ROBO2: variants seen among roughly 807,000 people sequenced by gnomAD.
The protein encoded by ROBO2 is roundabout homolog 2.
Under a neutral mutation model 160.8 loss-of-function variants are expected in ROBO2, and 53 were observed. The observed-to-expected ratio is 0.33, with a 90% confidence interval of 0.26 to 0.41. The LOEUF is 0.41. Ranked by LOEUF, ROBO2 falls within the 10% of genes least tolerant of loss-of-function variation. The pLI, the probability that ROBO2 is intolerant of heterozygous loss-of-function variation, is 1.00. For missense variants in ROBO2, 1,577 were observed against 1,722.4 expected, an observed-to-expected ratio of 0.92 and a Z score of 1.49; for synonymous variants, 664 against 611.7, an observed-to-expected ratio of 1.09 and a Z score of -1.26.
intron 6 of ROBO2, among the ~76,000 whole-genome samples, chr3:77,524,731 C>T (rs896412599): frequency 1.3e-5 from 2 of 151,032 alleles, no homozygotes; most frequent in Non-Finnish European, 3.0e-5. Context: ...GCTCCTCATG[C>T]GGGGATGTTT....
At chr3:76,269,798 A>C (rs938656913) in intron 2 of ROBO2, among the ~76,000 whole-genome samples, 1 of 152,048 alleles carries the variant, frequency 6.6e-6, no homozygotes, top group Non-Finnish European at 1.5e-5. Context: ...AAAATATAAA[A>C]ATCAATACTT....
chr3:76,756,447 A>AT (rs2060974610), intron 2 of ROBO2, among the ~76,000 whole-genome samples: 2 of 151,870 alleles, frequency 1.3e-5, no homozygotes, highest in African/African-American at 2.4e-5. Context: ...TTGCAGTGAG[A>AT]TTAGCATGGA....
chr3:77,354,240 C>T (rs886545721), intron 2 of ROBO2, among the ~76,000 whole-genome samples: 2 of 152,158 alleles, frequency 1.3e-5, no homozygotes, highest in Non-Finnish European at 2.9e-5. Flanking sequence ...CTGACAATTA[C>T]AATTTTTTTT....
chr3:77,430,328 GTTGTTGA>G (rs1581878347), intron 2 of ROBO2, among the ~76,000 whole-genome samples: 1 of 152,092 alleles, frequency 6.6e-6, no homozygotes, highest in Non-Finnish European at 1.5e-5. Context: ...TTGAAGTTTT[GTTGTTGA>G]TATGGCTTTT....
intron 2 of ROBO2, among the ~76,000 whole-genome samples, chr3:77,450,974 T>C (rs2081058425): frequency 6.6e-6 from 1 of 152,084 alleles, no homozygotes; most frequent in African/African-American, 2.4e-5. Flanking sequence ...AAAAGCATGT[T>C]CCAAACACCC....
Position 77,493,125 on chromosome 3 carries a change from C to T in ROBO2, c.668-119C>T, listed in dbSNP as rs2086340516. 12 of 962,870 alleles carry T rather than the reference C, an allele frequency of 1.2e-5. No individual in the cohort carries two copies. The Admixed American group carries it at 1.3e-4, about 10-fold the overall frequency. 59.6% of individuals were successfully genotyped at this position (962,870 alleles called of 1,614,324 possible). A position where few individuals can be genotyped will look rare whatever the true frequency, so the allele number is the denominator to read the frequency against. ...GCCTTATTAAAACACAGCTGAGGTA[C>T]AGAGTTAGGTACCTGTGTACCAAAA... On this transcript the variant is annotated intron_variant, in intron 4 of 25. Transcript: ENST00000461745.
rs150775027 is a variant in ROBO2, at chr3:76,782,168, G to A, written c.110-315846G>A. Reference sequence around the variant, plus strand: ...CCCATTGGTTGTTCAGAAGTATATTGCTTAATTTTCACATATTTGTGAATT... The same window carrying A: ...CCCATTGGTTGTTCAGAAGTATATTACTTAATTTTCACATATTTGTGAATT... On this transcript the variant is annotated intron_variant, in intron 2 of 26. Coordinates refer to the ROBO2 transcript ENST00000487694. Among the ~76,000 whole-genome samples the A allele has an allele frequency of 2.3e-3, 345 of 150,744 alleles. 2 individuals carry two copies. Among genetic ancestry groups the A allele is most frequent in the Middle Eastern group, 6.8e-3 (2 of 294 alleles).
At chr3:76,227,066 A>T (rs920191871) in intron 2 of ROBO2, among the ~76,000 whole-genome samples, 2 of 152,164 alleles carry the variant, frequency 1.3e-5, no homozygotes, top group Admixed American at 1.3e-4. Context: ...TTAGTGTCCA[A>T]CAATTTTGCC....
At chr3:77,432,644 T>C (rs1329201648) in intron 2 of ROBO2, among the ~76,000 whole-genome samples, 1 of 152,176 alleles carries the variant, frequency 6.6e-6, no homozygotes, top group African/African-American at 2.4e-5. Context: ...ATGACAAGAC[T>C]GAGTAGTTGC....
At position 77,508,799 on chromosome 3, in the gene ROBO2, A is replaced by G; in HGVS notation, c.807-13976A>G. On this transcript the variant is annotated intron_variant, in intron 5 of 25. Coordinates refer to ENST00000461745, the Ensembl canonical transcript of ROBO2. ...GCTTTTTAACTTAAACTTAATTTTTATCTTAAAATTTTTTTAAAAAACAAC... is the reference window on the plus strand; with the variant it reads ...GCTTTTTAACTTAAACTTAATTTTTGTCTTAAAATTTTTTTAAAAAACAAC... Among the ~76,000 whole-genome samples the G allele has an allele frequency of 1.3e-5, 2 of 152,082 alleles. 1 individual carries two copies.
chr3:76,236,520 T>C (rs938534417), intron 2 of ROBO2, among the ~76,000 whole-genome samples: 2 of 152,128 alleles, frequency 1.3e-5, no homozygotes, highest in Non-Finnish European at 2.9e-5. Flanking sequence ...GCAAAAGCAA[T>C]TGACAAAGTT....
At chr3:77,165,702 C>T (rs1003631182) in intron 2 of ROBO2, among the ~76,000 whole-genome samples, 1 of 151,782 alleles carries the variant, frequency 6.6e-6, no homozygotes, top group Non-Finnish European at 1.5e-5. Flanking sequence ...CTTAAGTATC[C>T]AGCTTGATGA....
intron 2 of ROBO2, among the ~76,000 whole-genome samples, chr3:75,938,795 C>T (rs1278810733): frequency 6.6e-6 from 1 of 152,104 alleles, no homozygotes; most frequent in Non-Finnish European, 1.5e-5. Flanking sequence ...TACATGTAAG[C>T]AGATAATACA....
At chr3:77,473,440 CTTTTTTT>C (rs71104688) in intron 2 of ROBO2, among the ~76,000 whole-genome samples, 20 of 77,924 alleles carry the variant, frequency 2.6e-4, no homozygotes, top group African/African-American at 7.4e-4. Context: ...ACAAACTGCT[CTTTTTTT>C]TTTTTTTTTT....
intron 2 of ROBO2, among the ~76,000 whole-genome samples, chr3:76,781,459 C>T (rs1005248754): frequency 2.2e-4 from 33 of 150,680 alleles, no homozygotes; most frequent in African/African-American, 6.3e-4. Context: ...TTAGAAATGA[C>T]AAGAGTGGCA....
intron 2 of ROBO2, among the ~76,000 whole-genome samples, chr3:76,684,136 A>G (rs1056560360): frequency 6.6e-5 from 10 of 152,008 alleles, no homozygotes; most frequent in African/African-American, 9.7e-5. Flanking sequence ...TCTATTGATT[A>G]AAAAAACAAA....
intron 2 of ROBO2, among the ~76,000 whole-genome samples, chr3:76,865,884 C>A (rs1469762403): frequency 6.6e-6 from 1 of 151,984 alleles, no homozygotes; most frequent in Admixed American, 6.6e-5. Flanking sequence ...ATTTTAGGAT[C>A]AATTATAGCT....
chr3:76,182,335 A>G (rs143523717), intron 2 of ROBO2, among the ~76,000 whole-genome samples: 3 of 152,264 alleles, frequency 2.0e-5, no homozygotes, highest in Non-Finnish European at 2.9e-5. Context: ...AACTGGAAAT[A>G]CGTTTTTCTC....
intron 2 of ROBO2, among the ~76,000 whole-genome samples, chr3:76,461,235 C>A (rs1213197334): frequency 6.6e-6 from 1 of 151,990 alleles, no homozygotes; most frequent in Non-Finnish European, 1.5e-5. Flanking sequence ...GGGGAGGTGT[C>A]ACATACTTTT....
Sources: gnomAD v4.1 joint callset for allele counts (sites outside exome capture counted in the v4.1 genomes callset) on GRCh38, gnomAD v4.1.1 for gene constraint, MANE v1.5 for transcripts, NCBI Gene and HGNC (gene_info 2026-07-23, HGNC 2026-07-21) for gene names.